ASIC2: variants seen among roughly 807,000 people sequenced by gnomAD.
ASIC2 encodes acid-sensing ion channel 2.
ASIC2 carries 25 observed loss-of-function variants against 57.3 expected under a neutral mutation model. That is an observed-to-expected ratio of 0.44 (90% CI 0.32 to 0.61). The LOEUF (loss-of-function observed/expected upper bound fraction) is 0.61, where lower values mean the gene tolerates loss of function less well. ASIC2 is among the 20% of genes least tolerant of loss of function. The pLI, the probability that ASIC2 is intolerant of heterozygous loss-of-function variation, is 0.06. For missense variants in ASIC2, 641 were observed against 738.1 expected (o/e 0.87, Z 1.52); for synonymous variants, 319 against 307.5 (o/e 1.04, Z -0.39).
intron 1 of ASIC2, among the ~76,000 whole-genome samples, chr17:33,203,358 C>T (rs930623754): frequency 1.3e-5 from 2 of 152,158 alleles, no homozygotes; most frequent in Admixed American, 1.3e-4. Context: ...CTGATCCACC[C>T]AGTCTGGGGT....
At chr17:33,516,964 G>C (rs965111158) in intron 1 of ASIC2, among the ~76,000 whole-genome samples, 1 of 152,184 alleles carries the variant, frequency 6.6e-6, no homozygotes, top group Non-Finnish European at 1.5e-5. Flanking sequence ...GAATGTATCG[G>C]TGCCGCATGG....
chr17:33,531,456 C>T (rs545767334), intron 1 of ASIC2, among the ~76,000 whole-genome samples: 5 of 152,302 alleles, frequency 3.3e-5, no homozygotes, highest in African/African-American at 9.6e-5. Context: ...GAGAGGCGTT[C>T]GACCTTGCAG....
intron 1 of ASIC2, among the ~76,000 whole-genome samples, chr17:33,579,539 G>A (rs1021337490): frequency 1.3e-5 from 2 of 152,208 alleles, no homozygotes; most frequent in East Asian, 1.9e-4. Context: ...CGGTCTCCCT[G>A]CCTTCAAGAA....
At chr17:33,147,354 C>T (rs972010830) in intron 1 of ASIC2, among the ~76,000 whole-genome samples, 1 of 151,980 alleles carries the variant, frequency 6.6e-6, no homozygotes, top group East Asian at 1.9e-4. Context: ...AGCCAATGTC[C>T]AAAAAAGAGA....
At chr17:33,469,556 G>A (rs1259003585) in intron 1 of ASIC2, among the ~76,000 whole-genome samples, 1 of 152,128 alleles carries the variant, frequency 6.6e-6, no homozygotes, top group Admixed American at 6.5e-5. Flanking sequence ...AGTAATCCTT[G>A]CATGGACCCT....
chr17:34,087,318 T>C (rs1281376708), intron 1 of ASIC2, among the ~76,000 whole-genome samples: 3 of 152,030 alleles, frequency 2.0e-5, no homozygotes, highest in African/African-American at 4.8e-5. Context: ...TGGCTGGACA[T>C]GAAATTCTGG....
intron 7 of ASIC2, 83 bp downstream of exon 7, chr17:33,021,136 C>A: frequency 9.6e-7 from 1 of 1,042,114 alleles, no homozygotes; most frequent in South Asian, 1.5e-5. Flanking sequence ...TGTCTGTCTG[C>A]TTGCCTCCCA....
chr17:33,022,303 G>T (rs972338568), intron 6 of ASIC2, among the ~76,000 whole-genome samples: 1 of 152,140 alleles, frequency 6.6e-6, no homozygotes, highest in Non-Finnish European at 1.5e-5. Context: ...TAAAATTACA[G>T]TTCCACTCCC....
At chr17:34,039,960 C>T in intron 1 of ASIC2, 5 of 1,149,150 alleles carry the variant, frequency 4.4e-6, no homozygotes, top group Admixed American at 1.9e-5. Context: ...CCGCTCTCCC[C>T]CTGGGCAGGC....
intron 1 of ASIC2, among the ~76,000 whole-genome samples, chr17:34,023,683 G>A (rs930367733): frequency 2.0e-5 from 3 of 152,150 alleles, no homozygotes; most frequent in African/African-American, 7.2e-5. Context: ...GTGCCATCTT[G>A]GAAGCAGAGA....
chr17:33,780,756 C>A (rs1480985755), intron 1 of ASIC2, among the ~76,000 whole-genome samples: 2 of 152,214 alleles, frequency 1.3e-5, no homozygotes, highest in Non-Finnish European at 2.9e-5. Flanking sequence ...GTGGAGGACT[C>A]TGAGCAGGGA....
intron 1 of ASIC2, among the ~76,000 whole-genome samples, chr17:33,889,993 G>A (rs1268818898): frequency 6.6e-6 from 1 of 152,186 alleles, no homozygotes; most frequent in South Asian, 2.1e-4. Context: ...AGTCCAGGGT[G>A]AGGCCATGTT....
chr17:33,268,936 C>A (rs186003402), intron 1 of ASIC2, among the ~76,000 whole-genome samples: 104 of 152,314 alleles, frequency 6.8e-4, no homozygotes, highest in Non-Finnish European at 1.9e-4. Context: ...CATTGTGTGA[C>A]CTTGGGCAAG....
intron 1 of ASIC2, among the ~76,000 whole-genome samples, chr17:33,268,344 TCC>T (rs1402345464): frequency 1.2e-3 from 6 of 5,140 alleles, no homozygotes; most frequent in Non-Finnish European, 3.2e-3. Context: ...CTTTCCATCA[TCC>T]ATCCATCCAT....
chr17:33,192,384 AAAAACAAAACAAAACAAAAC>A (rs149064811), intron 1 of ASIC2, among the ~76,000 whole-genome samples: 64,851 of 142,758 alleles, frequency 0.45, 15,554 homozygotes, highest in Non-Finnish European at 0.53. Context: ...ACTCAGTCTC[AAAAACAAAACAAAACAAAAC>A]AAAACAAAAC....
intron 1 of ASIC2, among the ~76,000 whole-genome samples, chr17:33,684,587 C>T (rs1050625227): frequency 5.9e-5 from 9 of 152,024 alleles, no homozygotes; most frequent in Admixed American, 3.9e-4. Flanking sequence ...CTAGACATTA[C>T]GGTTCTTCTT....
chr17:33,735,001 G>T (rs1053279995), intron 1 of ASIC2, among the ~76,000 whole-genome samples: 21 of 152,282 alleles, frequency 1.4e-4, no homozygotes, highest in Admixed American at 6.5e-5. Flanking sequence ...GCATGTTCCA[G>T]TTCAGAGACT....
At chr17:33,878,594 A>T (rs541773613) in intron 1 of ASIC2, among the ~76,000 whole-genome samples, 1 of 152,370 alleles carries the variant, frequency 6.6e-6, no homozygotes, top group South Asian at 2.1e-4. Context: ...CCTCCAAGAA[A>T]TATGGCACTA....
chr17:33,155,659 A>G (rs1163154776), intron 1 of ASIC2, among the ~76,000 whole-genome samples: 2 of 149,314 alleles, frequency 1.3e-5, no homozygotes, highest in Non-Finnish European at 3.0e-5. Flanking sequence ...TCCCGGGTTC[A>G]AGCAATTCTC....
Sources: gnomAD v4.1 joint callset for allele counts (sites outside exome capture counted in the v4.1 genomes callset) on GRCh38, gnomAD v4.1.1 for gene constraint, MANE v1.5 for transcripts, NCBI Gene and HGNC (gene_info 2026-07-23, HGNC 2026-07-21) for gene names.